The following AGAP1 variants were observed in gnomAD, a reference collection of about 807,000 sequenced individuals.
AGAP1 encodes the protein ArfGAP with GTPase domain, ankyrin repeat and PH domain 1, also known as arf-GAP with GTPase, ANK repeat and PH domain-containing protein 1.
In AGAP1, 29 loss-of-function variants were observed where a neutral mutation model predicts 105.3. The ratio of observed to expected loss-of-function variants is 0.28; its 90% CI spans 0.21 to 0.38. AGAP1 has a LOEUF of 0.38. AGAP1 is among the 10% of genes least tolerant of loss of function. The probability of loss-of-function intolerance (pLI) is 1.00; values close to 1 mark genes in which losing one functional copy is unlikely to be tolerated. For synonymous variants in AGAP1, 509 were observed against 485.9 expected (o/e 1.05, Z -0.63); for missense variants, 998 against 1,165.1 (o/e 0.86, Z 2.09).
rs1251533568 is a variant in AGAP1 at position 236,125,299 on chromosome 2, A to G, written c.*1177A>G. On this transcript the variant is annotated 3_prime_UTR_variant, in exon 18 of 18. Coordinates refer to ENST00000304032, the MANE Select transcript of AGAP1 (RefSeq NM_001037131.3). This position sits in a 1 kb window ranked among gnomAD's most constrained non-coding sequence, Gnocchi z 5.2. ...AAATGGCACCTCTCTTAATTTATAA[A>G]TTGAACTGGATGTGAACTAATAATG... 2.1e-4 allele frequency: 32 copies of G among 152,680 alleles called. 1 individual carries two copies. The highest frequency in any genetic ancestry group is 2.0e-3 in the Admixed American group (30 of 15,282). 9.5% of individuals were successfully genotyped at this position (152,680 alleles called of 1,614,324 possible).
intron 1 of AGAP1, among the ~76,000 whole-genome samples, chr2:235,617,979 T>C (rs1214680156): frequency 6.6e-6 from 1 of 152,064 alleles, no homozygotes; most frequent in East Asian, 1.9e-4. Context: ...GCGAGTTAAC[T>C]GAACTGAGTT....
At position 235,887,349 on chromosome 2, in the gene AGAP1, C is replaced by T. The variant is rs2050320262; in HGVS notation, c.1155+3900C>T. Among the ~76,000 whole-genome samples the T allele has an allele frequency of 6.6e-6, 1 of 152,182 alleles. No homozygotes were observed. The highest frequency in any genetic ancestry group is 2.4e-5 in the African/African-American group (1 of 41,436). ...TACTGACCACAGCGTGAAGTGGGGC[C>T]TCTCCCTGGTAACACCCTATTGTCT... On this transcript the variant is annotated intron_variant, in intron 10 of 17. Coordinates refer to ENST00000304032, the MANE Select transcript of AGAP1 (RefSeq NM_001037131.3). The surrounding 1 kb of genome is among the most constrained non-coding windows in gnomAD (Gnocchi z 4.1).
chr2:235,724,532 G>A lies in AGAP1; in HGVS notation c.310+6888G>A, dbSNP rs754372644. On this transcript the variant is annotated intron_variant, in intron 3 of 17. Transcript: ENST00000304032. The surrounding 1 kb of genome is among the most constrained non-coding windows in gnomAD (Gnocchi z 4.9). ...CTCTTTCACTCAGGAGCCTGCCAGC[G>A]TAGGGCAGGGGAAGTCAGTGCCCTC... 1.6e-4 allele frequency among the ~76,000 whole-genome samples: 24 copies of A among 152,198 alleles called. No individual in the cohort carries two copies. Among genetic ancestry groups the A allele is most frequent in the Admixed American group, 7.8e-4 (12 of 15,288 alleles).
intron 1 of AGAP1, chr2:235,507,572 C>G (rs553639842): frequency 6.6e-6 from 1 of 152,300 alleles, no homozygotes. Flanking sequence ...TAGCACCTGC[C>G]GCTTGAGTGT....
At chr2:235,603,254 T>G (rs573856549) in intron 1 of AGAP1, among the ~76,000 whole-genome samples, 6 of 152,210 alleles carry the variant, frequency 3.9e-5, no homozygotes, top group African/African-American at 1.4e-4. Context: ...AGATGTGCCT[T>G]TCACCTTCTG....
At chr2:235,912,931 T>C (rs2051690771) in intron 11 of AGAP1, among the ~76,000 whole-genome samples, 1 of 152,126 alleles carries the variant, frequency 6.6e-6, no homozygotes, top group African/African-American at 2.4e-5. Context: ...TCTTACGTTG[T>C]AATTAATTGT....
At chr2:235,808,733 C>G (rs1430864128) in intron 9 of AGAP1, among the ~76,000 whole-genome samples, 1 of 152,194 alleles carries the variant, frequency 6.6e-6, no homozygotes, top group Non-Finnish European at 1.5e-5. Context: ...ACATGATCAT[C>G]TACTGGGCCG....
intron 11 of AGAP1, among the ~76,000 whole-genome samples, chr2:235,911,509 CT>C (rs1320625564): frequency 2.0e-5 from 3 of 152,234 alleles, no homozygotes; most frequent in African/African-American, 7.2e-5. Flanking sequence ...GGATTTTGAA[CT>C]TCCTAATCTT....
rs377696919 is a variant in AGAP1 at position 235,887,035 on chromosome 2, T to C, written c.1155+3586T>C. Among the ~76,000 whole-genome samples the C allele has an allele frequency of 2.6e-5, 4 of 152,218 alleles. No homozygotes were observed. The highest frequency in any genetic ancestry group is 9.6e-5 in the African/African-American group (4 of 41,454). The stretch of plus-strand genomic sequence containing the variant: ...TTTTCCTTCATAAGAAACTTGAGAA[T>C]GTGCAAATGTGTTGCTAGTTCAGGT... On this transcript the variant is annotated intron_variant, in intron 10 of 17. Transcript: ENST00000304032. The surrounding 1 kb of genome is among the most constrained non-coding windows in gnomAD (Gnocchi z 4.1).
chr2:236,061,155 G>T lies in AGAP1; in HGVS notation c.2114+11874G>T, dbSNP rs142250532. The stretch of plus-strand genomic sequence containing the variant: ...AAAATGGCCAGTAAATACATGAAAA[G>T]ATGCCTAATGTCATTACTTTTTAGG... On this transcript the variant is annotated intron_variant, in intron 16 of 17. Transcript: ENST00000304032. This position sits in a 1 kb window ranked among gnomAD's most constrained non-coding sequence, Gnocchi z 4.1. 1.7e-4 allele frequency among the ~76,000 whole-genome samples: 26 copies of T among 152,302 alleles called. No individual in the cohort carries two copies. The East Asian group carries it at 5.0e-3, about 29-fold the overall frequency.
rs955697053 is a variant in AGAP1, at chr2:235,747,564, G to A, written c.538+2725G>A. Among the ~76,000 whole-genome samples, 29 of 152,176 alleles carry A rather than the reference G, an allele frequency of 1.9e-4. No homozygotes were observed. Among genetic ancestry groups the A allele is most frequent in the African/African-American group, 6.8e-4 (28 of 41,452 alleles). Reference sequence around the variant, plus strand: ...CCCAGATGAACCAGAACGAAAAGTTGCAATCAGGGCTGTATTCCTCACCTG... The same window carrying A: ...CCCAGATGAACCAGAACGAAAAGTTACAATCAGGGCTGTATTCCTCACCTG... On this transcript the variant is annotated intron_variant, in intron 5 of 17. Transcript: ENST00000304032. This position sits in a 1 kb window ranked among gnomAD's most constrained non-coding sequence, Gnocchi z 5.0.
chr2:235,926,579 T>C (rs1303457627), intron 11 of AGAP1, among the ~76,000 whole-genome samples: 1 of 152,254 alleles, frequency 6.6e-6, no homozygotes, highest in East Asian at 1.9e-4. Flanking sequence ...TTCTGCATTA[T>C]CACACAAAAT....
chr2:235,868,888 G>A (rs539749163), intron 9 of AGAP1, among the ~76,000 whole-genome samples: 60 of 152,306 alleles, frequency 3.9e-4, no homozygotes, highest in Non-Finnish European at 7.1e-4. Context: ...AGGGATTGCA[G>A]CCAAAAGACA....
chr2:235,807,197 C>A, intron 8 of AGAP1, 42 bp from the exon 9 acceptor site: 1 of 1,587,814 alleles, frequency 6.3e-7, no homozygotes, highest in Non-Finnish European at 8.6e-7. Context: ...GTCTGTGAAC[C>A]ACAGCCCTTA....
At chr2:236,052,680 C>T (rs898991317) in intron 16 of AGAP1, among the ~76,000 whole-genome samples, 99 of 152,132 alleles carry the variant, frequency 6.5e-4, no homozygotes, top group African/African-American at 2.3e-3. Flanking sequence ...AAAAAAAAAT[C>T]TTTTTGGATG....
At chr2:236,013,591 C>A (rs1212169956) in intron 13 of AGAP1, among the ~76,000 whole-genome samples, 1 of 82,228 alleles carries the variant, frequency 1.2e-5, no homozygotes, top group Non-Finnish European at 2.2e-5. Flanking sequence ...AGGGCCTGCC[C>A]GTCCAGATAA....
At position 235,551,854 on chromosome 2, in the gene AGAP1, C is replaced by T. The variant is rs1273917293; in HGVS notation, c.163+57005C>T. Among the ~76,000 whole-genome samples the T allele has an allele frequency of 6.6e-6, 1 of 152,166 alleles. No individual in the cohort carries two copies. Among genetic ancestry groups the T allele is most frequent in the East Asian group, 1.9e-4 (1 of 5,192 alleles). ...AGAACACAAACTGAGCGTTGCTGGG[C>T]CTCAGGAGCTTCTAGTGATGCTGGA... is the stretch of plus-strand genomic sequence containing the variant. On this transcript the variant is annotated intron_variant, in intron 1 of 17. Coordinates refer to ENST00000304032, the MANE Select transcript of AGAP1 (RefSeq NM_001037131.3). This position sits in a 1 kb window ranked among gnomAD's most constrained non-coding sequence, Gnocchi z 4.8.
In AGAP1 at chr2:235,552,100, A is replaced by C. The variant is rs1279664042; in HGVS notation, c.163+57251A>C. The stretch of plus-strand genomic sequence containing the variant: ...GTGCTTGGCTGTTCAGTGCCCCATA[A>C]CTGGCCGCGGTACTGCCACCCGCTG... On this transcript the variant is annotated intron_variant, in intron 1 of 17. Coordinates refer to ENST00000304032, the MANE Select transcript of AGAP1 (RefSeq NM_001037131.3). The surrounding 1 kb of genome is among the most constrained non-coding windows in gnomAD (Gnocchi z 5.9). Among the ~76,000 whole-genome samples the C allele has an allele frequency of 1.3e-5, 2 of 151,960 alleles. No homozygotes were observed. Among genetic ancestry groups the C allele is most frequent in the Non-Finnish European group, 2.9e-5 (2 of 67,990 alleles).
intron 6 of AGAP1, among the ~76,000 whole-genome samples, chr2:235,756,453 G>A (rs1021196205): frequency 6.6e-6 from 1 of 152,102 alleles, no homozygotes; most frequent in African/African-American, 2.4e-5. Context: ...CCCTTTCATA[G>A]GCAATCAGGA....
Sources: allele counts gnomAD v4.1 joint callset (sites outside exome capture counted in the v4.1 genomes callset), GRCh38; gene constraint gnomAD v4.1.1; non-coding constraint Gnocchi (gnomAD v3.1); transcripts MANE v1.5; gene names NCBI Gene and HGNC (gene_info 2026-07-23, HGNC 2026-07-21).